NPHP4: variants seen among roughly 807,000 people sequenced by gnomAD.
NPHP4 encodes nephrocystin 4, also known as nephrocystin-4.
NPHP4 carries 151 observed loss-of-function variants against 155.8 expected under a neutral mutation model. The observed-to-expected ratio is 0.97, with a 90% confidence interval of 0.85 to 1.11. The LOEUF is 1.11. NPHP4 is among the 50% of genes least tolerant of loss of function. The pLI is 0.00. For missense variants in NPHP4, 1,956 were observed against 1,925.7 expected (o/e 1.02, Z -0.29); for synonymous variants, 845 against 816.8 (o/e 1.03, Z -0.59).
At chr1:5,880,540 A>C in intron 18 of NPHP4, 2 of 362,604 alleles carry the variant, frequency 5.5e-6, no homozygotes, top group Non-Finnish European at 1.0e-5. Flanking sequence ...TTACTTCTGG[A>C]TCTCTGGGTC....
rs1322786347 is a variant in NPHP4, at chr1:5,867,729, G to A, written c.3472+11C>T. 6 of 1,607,742 alleles carry A rather than the reference G, an allele frequency of 3.7e-6. No individual in the cohort carries two copies. The highest frequency in any genetic ancestry group is 2.2e-5 in the South Asian group (2 of 91,062). ...GCAACATGTGGGCTGCAGGGTCAGT[G>A]CAGGACCTGCCTGGAAATGTGTGCC... On this transcript the variant is annotated intron_variant, in intron 24 of 29. Transcript: ENST00000378156. The surrounding 1 kb of genome is among the most constrained non-coding windows in gnomAD (Gnocchi z 4.1).
At chr1:5,976,928 G>A (rs1653697854) in intron 3 of NPHP4, among the ~76,000 whole-genome samples, 1 of 152,144 alleles carries the variant, frequency 6.6e-6, no homozygotes, top group Non-Finnish European at 1.5e-5. Context: ...GTTACCTAGA[G>A]TAACGTCTCA....
chr1:5,883,137 C>T (rs1643457047), intron 18 of NPHP4, among the ~76,000 whole-genome samples: 1 of 152,170 alleles, frequency 6.6e-6, no homozygotes, highest in Non-Finnish European at 1.5e-5. Context: ...TCAAAGACTT[C>T]CCAGATTCAT....
At chr1:5,873,699 A>G in intron 22 of NPHP4, 1 of 350,696 alleles carries the variant, frequency 2.9e-6, no homozygotes, top group Non-Finnish European at 5.3e-6. Flanking sequence ...TGACCCCAAA[A>G]GGTCAAAAGC....
In NPHP4 at chr1:5,874,497, A is replaced by T. The variant is rs759519906; in HGVS notation, c.3205T>A (p.Ser1069Thr). The change falls in exon 22 of 30, where the codon TCT becomes ACT. Residue 1069 changes from serine to threonine, a missense_variant. Physicochemically the swap from Ser to Thr is moderately conservative, Grantham distance 58. Coordinates refer to ENST00000378156, the MANE Select transcript of NPHP4 (RefSeq NM_015102.5). ...AHVPFKFQSF[S>T]AGQLAMVQAS... Reference sequence around the variant, plus strand: ...TGCACCATGGCCAGCTGCCCTGCAGAGAAGCTCTGGAACTTGAAGGGGACG... The same window carrying T: ...TGCACCATGGCCAGCTGCCCTGCAGTGAAGCTCTGGAACTTGAAGGGGACG... The T allele has an allele frequency of 6.4e-7, 1 of 1,566,754 alleles. No homozygotes were observed. The highest frequency in any genetic ancestry group is 8.7e-7 in the Non-Finnish European group (1 of 1,153,990).
At chr1:5,967,566 A>C (rs1570683872) in intron 4 of NPHP4, among the ~76,000 whole-genome samples, 1 of 152,236 alleles carries the variant, frequency 6.6e-6, no homozygotes, top group African/African-American at 2.4e-5. Flanking sequence ...TCTGGCACAC[A>C]CGCAGCCCCA....
chr1:5,963,689 C>CTTTTTTTTTT (rs57131022), intron 5 of NPHP4, among the ~76,000 whole-genome samples: 1 of 122,942 alleles, frequency 8.1e-6, no homozygotes, highest in African/African-American at 3.0e-5. Flanking sequence ...CTTTTCTTTT[C>CTTTTTTTTTT]TTTTTTTTTT....
chr1:5,868,544 G>A (rs1275389902), intron 23 of NPHP4, among the ~76,000 whole-genome samples: 1 of 141,346 alleles, frequency 7.1e-6, no homozygotes, highest in African/African-American at 2.6e-5. Context: ...ACACACGCAT[G>A]CACTCATGCA....
intron 9 of NPHP4, among the ~76,000 whole-genome samples, chr1:5,938,085 G>A (rs1297428459): frequency 6.6e-6 from 1 of 152,232 alleles, no homozygotes; most frequent in African/African-American, 2.4e-5. Flanking sequence ...GGGTGGCACA[G>A]ACCCAGGAGC....
intron 19 of NPHP4, chr1:5,877,578 G>A (rs970822454): frequency 2.9e-5 from 9 of 314,500 alleles, no homozygotes; most frequent in Non-Finnish European, 4.6e-5. Flanking sequence ...CCACCAGGGG[G>A]TTTTCTAGGG....
intron 1 of NPHP4, among the ~76,000 whole-genome samples, chr1:5,988,596 A>G (rs904979814): frequency 1.3e-5 from 2 of 152,232 alleles, no homozygotes; most frequent in African/African-American, 2.4e-5. Context: ...CACATAAACA[A>G]AAGTTCTTTG....
chr1:5,873,966 TCA>T (rs925949630), intron 22 of NPHP4: 1 of 209,670 alleles, frequency 4.8e-6, no homozygotes, highest in African/African-American at 2.5e-5. Flanking sequence ...CACACACACC[TCA>T]CATATCGCCC....
intron 16 of NPHP4, among the ~76,000 whole-genome samples, chr1:5,896,196 G>A (rs1032828978): frequency 1.3e-5 from 2 of 152,232 alleles, no homozygotes; most frequent in Non-Finnish European, 2.9e-5. Context: ...AGGGGGAGGA[G>A]CCCACAGGGA....
At chr1:5,874,831 A>G (rs1214914195) in intron 21 of NPHP4, 43 bp downstream of exon 21, 1 of 1,565,930 alleles carries the variant, frequency 6.4e-7, no homozygotes. Context: ...TGCACCCGAC[A>G]CAGATCTGGG....
At chr1:5,908,117 C>T (rs940809718) in intron 12 of NPHP4, among the ~76,000 whole-genome samples, 7 of 152,246 alleles carry the variant, frequency 4.6e-5, no homozygotes, top group South Asian at 2.1e-4. Context: ...GAATGGGGGG[C>T]GGGGTGCATG....
intron 9 of NPHP4, among the ~76,000 whole-genome samples, chr1:5,938,372 G>A (rs1217006085): frequency 6.6e-6 from 1 of 152,234 alleles, no homozygotes; most frequent in Non-Finnish European, 1.5e-5. Flanking sequence ...CTGAGCAGCA[G>A]GAAGAACCAG....
At chr1:5,972,760 A>G (rs1652811145) in intron 3 of NPHP4, among the ~76,000 whole-genome samples, 1 of 151,714 alleles carries the variant, frequency 6.6e-6, no homozygotes, top group Admixed American at 6.6e-5. Context: ...TTTTTTTCAT[A>G]GGTTTTTGGG....
Position 5,863,212 on chromosome 1 carries a change from G to T in NPHP4, c.*53C>A. 1 of 1,603,644 alleles carries T rather than the reference G, an allele frequency of 6.2e-7. No homozygotes were observed. The highest frequency in any genetic ancestry group is 8.5e-7 in the Non-Finnish European group (1 of 1,170,686). On this transcript the variant is annotated 3_prime_UTR_variant, in exon 30 of 30. Transcript: ENST00000378156. ...GGAGGACAGCCTGCAGGGCAGGAGG[G>T]GCACAGACAGGCCCCAGCTGGGTGC... is the stretch of plus-strand genomic sequence containing the variant.
intron 26 of NPHP4, 22 bp from the exon 27 acceptor site, chr1:5,865,295 C>A (rs147890186): frequency 6.6e-7 from 1 of 1,515,758 alleles, no homozygotes; most frequent in Non-Finnish European, 8.9e-7. Context: ...TGGGAGCCAT[C>A]TGCACTTGTC....
Sources: gnomAD v4.1 joint callset for allele counts (sites outside exome capture counted in the v4.1 genomes callset) on GRCh38, gnomAD v4.1.1 for gene constraint, Gnocchi (gnomAD v3.1) non-coding constraint, MANE v1.5 for transcripts, NCBI Gene and HGNC (gene_info 2026-07-23, HGNC 2026-07-21) for gene names.